CCDC30: variants seen among roughly 807,000 people sequenced by gnomAD.
The protein encoded by CCDC30 is coiled-coil domain containing 30.
CCDC30 carries 70 observed loss-of-function variants against 100.2 expected under a neutral mutation model. The observed-to-expected ratio is 0.70, with a 90% CI of 0.58 to 0.85. The LOEUF (loss-of-function observed/expected upper bound fraction) is 0.85, where lower values mean the gene tolerates loss of function less well. CCDC30 is among the 40% of genes least tolerant of loss of function. CCDC30 has a pLI of 0.00. For missense variants in CCDC30, 652 were observed against 771.2 expected (o/e 0.85, Z 1.83); for synonymous variants, 233 against 269.5 (o/e 0.86, Z 1.33).
intron 6 of CCDC30, among the ~76,000 whole-genome samples, chr1:42,516,827 T>A (rs1212552554): frequency 6.6e-6 from 1 of 152,204 alleles, no homozygotes; most frequent in Non-Finnish European, 1.5e-5. Flanking sequence ...ACTAAGGTAG[T>A]ATCTCATAGT....
chr1:42,548,080 A>G (rs16829648), intron 6 of CCDC30, among the ~76,000 whole-genome samples: 20,629 of 152,186 alleles, frequency 0.14, 1,533 homozygotes, highest in East Asian at 0.17. Flanking sequence ...TGAGGCCCTA[A>G]AAGTGACCTC....
At chr1:42,467,585 T>C (rs991519702) in intron 1 of CCDC30, among the ~76,000 whole-genome samples, 7 of 152,110 alleles carry the variant, frequency 4.6e-5, no homozygotes, top group African/African-American at 1.7e-4. Flanking sequence ...TCAAGCTGAG[T>C]TGTTCACTAG....
intron 8 of CCDC30, among the ~76,000 whole-genome samples, chr1:42,579,132 A>C (rs1445114918): frequency 2.0e-5 from 3 of 152,044 alleles, no homozygotes; most frequent in Non-Finnish European, 4.4e-5. Flanking sequence ...CTGGGACTAC[A>C]GGTGCACACC....
intron 11 of CCDC30, among the ~76,000 whole-genome samples, chr1:42,618,323 G>T (rs1296938940): frequency 7.3e-6 from 1 of 136,364 alleles, no homozygotes; most frequent in Non-Finnish European, 1.5e-5. Context: ...CGCAACCTCC[G>T]CCTCTCAGGT....
rs1645605699 is a variant in CCDC30, at chr1:42,566,344, C to T, written c.505C>T (p.Gln169Ter). The change falls in exon 7 of 17, where the codon CAA becomes TAA. Residue 169 changes from glutamine (Q) to a stop codon, truncating the protein, a stop_gained. Transcript: ENST00000668663. LOFTEE classifies it high-confidence loss of function. ...AAAATACAACCAGCAAGGGGAAGTA[C>T]AACAACTTCACCAGAATTTGCACCG... The T allele has an allele frequency of 3.1e-6, 5 of 1,613,704 alleles. No individual in the cohort carries two copies. Among genetic ancestry groups the T allele is most frequent in the Non-Finnish European group, 4.2e-6 (5 of 1,179,828 alleles).
At chr1:42,571,679 C>T (rs1645736218) in intron 7 of CCDC30, among the ~76,000 whole-genome samples, 1 of 152,184 alleles carries the variant, frequency 6.6e-6, no homozygotes, top group Non-Finnish European at 1.5e-5. Context: ...AAGGCATTTG[C>T]TCTTAGGGTT....
chr1:42,573,376 T>C (rs1044316669), intron 7 of CCDC30, among the ~76,000 whole-genome samples: 2 of 152,190 alleles, frequency 1.3e-5, no homozygotes, highest in African/African-American at 4.8e-5. Flanking sequence ...TTTTCCATAC[T>C]ATTATAAATG....
At chr1:42,491,954 TG>T in intron 4 of CCDC30, 1 of 896,626 alleles carries the variant, frequency 1.1e-6, no homozygotes, top group Non-Finnish European at 1.6e-6. Flanking sequence ...TGAGTCTTGC[TG>T]ATCTGCAGAA....
At chr1:42,573,926 T>C (rs1645784124) in intron 7 of CCDC30, among the ~76,000 whole-genome samples, 1 of 152,164 alleles carries the variant, frequency 6.6e-6, no homozygotes, top group Non-Finnish European at 1.5e-5. Flanking sequence ...ACTGATTTTC[T>C]AATGTTAATC....
intron 11 of CCDC30, among the ~76,000 whole-genome samples, chr1:42,616,461 G>A (rs1280066488): frequency 6.6e-6 from 1 of 152,162 alleles, no homozygotes; most frequent in East Asian, 1.9e-4. Flanking sequence ...GGAATTAATT[G>A]AAACTCTACC....
chr1:42,556,508 T>C, intron 6 of CCDC30, 103 bp downstream of exon 10: 1 of 1,312,876 alleles, frequency 7.6e-7, no homozygotes. Flanking sequence ...TGTTTTTTTT[T>C]ATTTTTTTAG....
At chr1:42,471,630 A>T (rs1016868689) in intron 1 of CCDC30, among the ~76,000 whole-genome samples, 1 of 152,174 alleles carries the variant, frequency 6.6e-6, no homozygotes, top group African/African-American at 2.4e-5. Flanking sequence ...TATGATGCTC[A>T]AAGACCTTGT....
intron 9 of CCDC30, among the ~76,000 whole-genome samples, chr1:42,587,596 G>A (rs1646099264): frequency 6.6e-6 from 1 of 152,180 alleles, no homozygotes; most frequent in Non-Finnish European, 1.5e-5. Flanking sequence ...AGAAGAACGA[G>A]AGGTGGAGGG....
chr1:42,520,634 C>CTTTTTTTTT lies in CCDC30; in HGVS notation c.456+21734_456+21742dup, dbSNP rs1181298704. ...CATGAGCCACCACGCCCGGCCTCAT[C>CTTTTTTTTT]TTTTTTTTTTTTTTTTTTTTTTTTG... On this transcript the variant is annotated intron_variant, in intron 6 of 16. Coordinates refer to ENST00000668663, the Ensembl canonical transcript of CCDC30. Among the ~76,000 whole-genome samples the CTTTTTTTTT allele has an allele frequency of 3.6e-4, 23 of 64,772 alleles. 2 individuals are homozygous for CTTTTTTTTT. The highest frequency in any genetic ancestry group is 5.5e-4 in the Non-Finnish European group (20 of 36,406). The allele number at this position is 64,772 out of a possible 152,430, so 42.5% of individuals were successfully genotyped here.
chr1:42,535,013 A>G (rs1006106201), intron 6 of CCDC30: 3 of 152,204 alleles, frequency 2.0e-5, no homozygotes, highest in African/African-American at 7.2e-5. Context: ...GATAATTTTC[A>G]GTTACGTTTT....
intron 6 of CCDC30, among the ~76,000 whole-genome samples, chr1:42,551,051 C>T (rs1345434584): frequency 6.6e-6 from 1 of 151,950 alleles, no homozygotes; most frequent in Admixed American, 6.6e-5. Context: ...TATACATGTG[C>T]CATGTTGGTG....
chr1:42,533,197 GGAGA>G (rs2148516290), intron 6 of CCDC30, among the ~76,000 whole-genome samples: 1 of 152,272 alleles, frequency 6.6e-6, no homozygotes, highest in East Asian at 1.9e-4. Context: ...AAGGGAGAGA[GGAGA>G]GAGAGGGAAG....
intron 3 of CCDC30, among the ~76,000 whole-genome samples, chr1:42,488,380 C>T (rs1429777355): frequency 2.0e-5 from 3 of 152,042 alleles, no homozygotes; most frequent in African/African-American, 7.2e-5. Flanking sequence ...TACAGTGGCA[C>T]GATCATCACT....
At chr1:42,526,788 C>A (rs1025042591) in intron 6 of CCDC30, among the ~76,000 whole-genome samples, 3 of 152,028 alleles carry the variant, frequency 2.0e-5, no homozygotes, top group African/African-American at 4.8e-5. Flanking sequence ...TTAAATTTTT[C>A]TTTACAAATT....
Sources: gnomAD v4.1 joint callset for allele counts (sites outside exome capture counted in the v4.1 genomes callset) on GRCh38, gnomAD v4.1.1 for gene constraint, MANE v1.5 for transcripts, NCBI Gene and HGNC (gene_info 2026-07-23, HGNC 2026-07-21) for gene names.